Variants in WDR86 observed in about 807,000 individuals in gnomAD.
The protein encoded by WDR86 is WD repeat-containing protein 86.
A neutral mutation model predicts 36.5 loss-of-function variants in WDR86; 30 were observed. That is an observed-to-expected ratio of 0.82 (90% CI 0.61 to 1.11). The LOEUF is 1.11. Ranked by LOEUF, WDR86 falls within the 50% of genes most tolerant of loss-of-function variation. The pLI, the probability that WDR86 is intolerant of heterozygous loss-of-function variation, is 0.00. For missense variants in WDR86, 545 were observed against 561.2 expected (o/e 0.97, Z 0.29); for synonymous variants, 255 against 252.9 (o/e 1.01, Z -0.08).
downstream of WDR86, chr7:151,375,907 C>T: frequency 6.2e-7 from 1 of 1,613,256 alleles, no homozygotes; most frequent in East Asian, 2.2e-5. Context: ...AAACCGACAA[C>T]CGTCAAGAAA....
chr7:151,399,323 C>T (rs548601300), intron 2 of WDR86, among the ~76,000 whole-genome samples: 1 of 152,188 alleles, frequency 6.6e-6, no homozygotes, highest in Non-Finnish European at 1.5e-5. Flanking sequence ...TGTCAGAGCT[C>T]AACCAACAGC....
downstream of WDR86, among the ~76,000 whole-genome samples, chr7:151,374,825 C>G (rs1337416844): frequency 4.6e-5 from 7 of 152,178 alleles, no homozygotes; most frequent in East Asian, 1.2e-3. Context: ...GGCATGGAAC[C>G]ACCCTCTGCC....
At chr7:151,399,495 C>T (rs1800126085) in intron 2 of WDR86, among the ~76,000 whole-genome samples, 1 of 152,218 alleles carries the variant, frequency 6.6e-6, no homozygotes, top group African/African-American at 2.4e-5. Flanking sequence ...AGGAGGCCTC[C>T]CTCGGGAGTC....
In WDR86 at chr7:151,385,191, C is replaced by T. The variant is rs113224092; in HGVS notation, c.759G>A (p.Ala253=). 176 of 1,612,880 alleles carry T rather than the reference C, an allele frequency of 1.1e-4. No homozygotes were observed. The highest frequency in any genetic ancestry group is 3.4e-4 in the Middle Eastern group (2 of 5,966). Residue 253 remains alanine, a synonymous_variant, in exon 4 of 6, where the codon GCG becomes GCA. Coordinates refer to ENST00000334493, the MANE Select transcript of WDR86 (RefSeq NM_198285.3). ...CCAGCCAGCACTTGACGGTCCTGTC[C>T]GCGCTGCCAGAGTACACGAGTCGGT... ...LVNRLVYSGS[A]DRTVKCWLAD...
intron 3 of WDR86, 62 bp from the exon 4 acceptor site, chr7:151,385,285 C>A (rs767859538): frequency 1.3e-6 from 2 of 1,597,672 alleles, no homozygotes; most frequent in Non-Finnish European, 8.5e-7. Context: ...CAGACCTCTC[C>A]CTCTATAAGG....
At chr7:151,397,670 G>A in intron 2 of WDR86, among the ~76,000 whole-genome samples, 2 of 41,760 alleles carry the variant, frequency 4.8e-5, no homozygotes, top group Middle Eastern at 0.016. Flanking sequence ...CATAGCGGGA[G>A]GAAGAGCATA....
intron 1 of WDR86, among the ~76,000 whole-genome samples, chr7:151,403,803 C>T (rs566010265): frequency 1.3e-5 from 2 of 152,316 alleles, no homozygotes; most frequent in Admixed American, 6.5e-5. Flanking sequence ...ACAGATCCGT[C>T]CCACCCTCCC....
chr7:151,379,311 C>T (rs1798449555), downstream of WDR86, among the ~76,000 whole-genome samples: 1 of 152,156 alleles, frequency 6.6e-6, no homozygotes, highest in South Asian at 2.1e-4. Context: ...CAGGTGAGGG[C>T]AGCCCATGCC....
At position 151,406,401 on chromosome 7, in the gene WDR86, C is replaced by T. The variant is rs1221404203; in HGVS notation, c.163+3026G>A. ...GAGCCAGAGGTCTCTAGAGGAAAAG[C>T]GTACGTAGGAGTCGCCAGCCCCAGC... On this transcript the variant is annotated intron_variant, in intron 1 of 5. Transcript: ENST00000334493. This position sits in a 1 kb window ranked among gnomAD's most constrained non-coding sequence, Gnocchi z 4.4. Among the ~76,000 whole-genome samples the T allele has an allele frequency of 2.0e-5, 3 of 152,348 alleles. No individual in the cohort carries two copies. Among genetic ancestry groups the T allele is most frequent in the South Asian group, 2.1e-4 (1 of 4,828 alleles).
Position 151,409,410 on chromosome 7 carries a change from G to A in WDR86, c.163+17C>T. On this transcript the variant is annotated intron_variant, in intron 1 of 5. Coordinates refer to ENST00000334493, the MANE Select transcript of WDR86 (RefSeq NM_198285.3). This position sits in a 1 kb window ranked among gnomAD's most constrained non-coding sequence, Gnocchi z 5.2. ...GAGCTGCGGCGAAGAGGTCAGGGAG[G>A]GAGTGGGAGGGTCTACCTTGCAGGA... 5 of 1,555,268 alleles carry A rather than the reference G, an allele frequency of 3.2e-6. No homozygotes were observed. Among genetic ancestry groups the A allele is most frequent in the South Asian group, 1.2e-5 (1 of 84,618 alleles).
Position 151,381,488 on chromosome 7 carries a change from G to A in WDR86, c.*94C>T, listed in dbSNP as rs1374283934. The A allele has an allele frequency of 1.4e-6, 2 of 1,464,070 alleles. No individual in the cohort carries two copies. Among genetic ancestry groups the A allele is most frequent in the Middle Eastern group, 2.3e-4 (1 of 4,408 alleles). The allele number at this position is 1,464,070 out of a possible 1,614,324, so 90.7% of individuals were successfully genotyped here. ...CGGGCTTCCTCGCTCCTCGCCCCTC[G>A]CCGGCCATCGGGCGCCACCACCGCG... is the stretch of plus-strand genomic sequence containing the variant. On this transcript the variant is annotated 3_prime_UTR_variant, in exon 6 of 6. Transcript: ENST00000334493. The surrounding 1 kb of genome is among the most constrained non-coding windows in gnomAD (Gnocchi z 4.8).
chr7:151,404,562 C>T (rs1011743262), intron 1 of WDR86, among the ~76,000 whole-genome samples: 1 of 152,186 alleles, frequency 6.6e-6, no homozygotes, highest in African/African-American at 2.4e-5. Flanking sequence ...AGCTGAGGCC[C>T]CCACCCCAAC....
rs60998418 is a variant in WDR86 at position 151,383,473 on chromosome 7, CAAAA to C, written c.863-1496_863-1493del. 3.7e-3 allele frequency among the ~76,000 whole-genome samples: 481 copies of C among 130,390 alleles called. 3 individuals carry two copies. The highest frequency in any genetic ancestry group is 0.017 in the Middle Eastern group (4 of 240). 85.5% of individuals were successfully genotyped at this position (130,390 alleles called of 152,430 possible). A position where few individuals can be genotyped will look rare whatever the true frequency, so the allele number is the denominator to read the frequency against. Reference sequence around the variant, plus strand: ...TGGGCCACAGAGCAAGACTCCGTCTCAAAAAAAAAAAAAAAAAAATGTTTGTAGA... The same window carrying C: ...TGGGCCACAGAGCAAGACTCCGTCTCAAAAAAAAAAAAAAATGTTTGTAGA... On this transcript the variant is annotated intron_variant, in intron 4 of 5. Coordinates refer to ENST00000334493, the MANE Select transcript of WDR86 (RefSeq NM_198285.3).
rs1327619726 is a variant in WDR86, at chr7:151,409,783, CG to C, written c.-195del. ...CCGCTGCCTCCAGCCTCTGGGCCCG[CG>C]AACCCAGGGCGCTGCGGGGGGCGGC... On this transcript the variant is annotated 5_prime_UTR_variant, in exon 1 of 6. Coordinates refer to ENST00000334493, the MANE Select transcript of WDR86 (RefSeq NM_198285.3). This position sits in a 1 kb window ranked among gnomAD's most constrained non-coding sequence, Gnocchi z 5.2. The C allele has an allele frequency of 7.9e-7, 1 of 1,268,078 alleles. No homozygotes were observed. The highest frequency in any genetic ancestry group is 9.9e-7 in the Non-Finnish European group (1 of 1,010,786). The allele number at this position is 1,268,078 out of a possible 1,614,324, so 78.6% of individuals were successfully genotyped here.
chr7:151,383,919 C>T (rs530504333), intron 4 of WDR86, among the ~76,000 whole-genome samples: 3 of 152,354 alleles, frequency 2.0e-5, no homozygotes, highest in East Asian at 1.9e-4. Flanking sequence ...TCTAGGCGGC[C>T]GCCGGCCAGA....
At chr7:151,374,281 G>A (rs1276484186), downstream of WDR86, 1 of 1,549,166 alleles carries the variant, frequency 6.5e-7, no homozygotes. Context: ...TTGTCCCTGA[G>A]CAGTGGGTCC....
At position 151,381,589 on chromosome 7, in the gene WDR86, G is replaced by C. The variant is rs78013070; in HGVS notation, c.1124C>G (p.Pro375Arg). ...TGCAGGGGCCCCGCGGGATCAGGCC[G>C]GCTGCAGGGGCGCGGCGGCGCAGCC... ...KVGCAAAPLQ[P>R]A The change falls in exon 6 of 6, where the codon CCG becomes CGG. Residue 375 changes from proline (P) to arginine (R), a missense_variant. Transcript: ENST00000334493. This position sits in a 1 kb window ranked among gnomAD's most constrained non-coding sequence, Gnocchi z 4.8. 1 of 1,370,130 alleles carries C rather than the reference G, an allele frequency of 7.3e-7. No individual in the cohort carries two copies. The highest frequency in any genetic ancestry group is 9.3e-7 in the Non-Finnish European group (1 of 1,071,460). 84.9% of individuals were successfully genotyped at this position (1,370,130 alleles called of 1,614,324 possible). A position where few individuals can be genotyped will look rare whatever the true frequency, so the allele number is the denominator to read the frequency against.
chr7:151,396,101 C>G lies in WDR86; in HGVS notation c.401G>C (p.Arg134Pro), dbSNP rs779085030. The G allele has an allele frequency of 1.2e-6, 2 of 1,612,714 alleles. No individual in the cohort carries two copies. Among genetic ancestry groups the G allele is most frequent in the African/African-American group, 2.7e-5 (2 of 74,936 alleles). Reference protein sequence around the residue: ...VDKGQMSREFRGHRNCVLTLA... With the variant: ...VDKGQMSREFPGHRNCVLTLA... The stretch of plus-strand genomic sequence containing the variant: ...GGTCAGCACGCAGTTGCGGTGGCCC[C>G]GGAACTCCCGGGACATCTGCCCCTT... The change falls in exon 3 of 6, where the codon CGG becomes CCG. Residue 134 changes from arginine to proline, a missense_variant. Transcript: ENST00000334493.
Position 151,381,964 on chromosome 7 carries a change from C to T in WDR86, c.880G>A (p.Asp294Asn), listed in dbSNP as rs1255737375. The T allele has an allele frequency of 6.2e-7, 1 of 1,604,448 alleles. No homozygotes were observed. The highest frequency in any genetic ancestry group is 1.1e-5 in the South Asian group (1 of 89,616). Residue 294 changes from aspartate (D) to asparagine (N), a missense_variant, in exon 5 of 6, where the codon GAC becomes AAC. Transcript: ENST00000334493. The surrounding 1 kb of genome is among the most constrained non-coding windows in gnomAD (Gnocchi z 4.8). Reference protein sequence around the residue: ...HAGTLFTGSGDACARAFDAQS... With the variant: ...HAGTLFTGSGNACARAFDAQS... ...GCGTCGAAGGCCCGGGCGCAAGCGT[C>T]CCCGCTGCCCGTGAACACTGCGGAC...
Sources: gnomAD v4.1 joint callset for allele counts (sites outside exome capture counted in the v4.1 genomes callset) on GRCh38, gnomAD v4.1.1 for gene constraint, Gnocchi (gnomAD v3.1) non-coding constraint, MANE v1.5 for transcripts, NCBI Gene and HGNC (gene_info 2026-07-23, HGNC 2026-07-21) for gene names.